The following RSRP1 variants were observed in gnomAD, a reference collection of about 807,000 sequenced individuals.
The protein encoded by RSRP1 is arginine and serine rich protein 1, also known as arginine/serine-rich protein 1.
A neutral mutation model predicts 33.0 loss-of-function variants in RSRP1; 37 were observed. That is an observed-to-expected ratio of 1.12 (90% CI 0.86 to 1.48). The LOEUF is 1.48. Ranked by LOEUF, RSRP1 falls within the 40% of genes most tolerant of loss-of-function variation. The pLI is 0.00. For missense variants in RSRP1, 402 were observed against 385.3 expected, an observed-to-expected ratio of 1.04 and a Z score of -0.36; for synonymous variants, 167 against 158.7, an observed-to-expected ratio of 1.05 and a Z score of -0.40.
At chr1:25,244,971 C>A in intron 3 of RSRP1, 179 bp downstream of exon 3, 1 of 1,474,346 alleles carries the variant, frequency 6.8e-7, no homozygotes, top group South Asian at 1.4e-5. Flanking sequence ...AAATAAAGCT[C>A]ATTAATCTCC....
chr1:25,270,638 G>C (rs1640470473), intron 1 of RSRP1, among the ~76,000 whole-genome samples: 1 of 132,124 alleles, frequency 7.6e-6, no homozygotes, highest in African/African-American at 2.6e-5. Context: ...CCCTGATCTA[G>C]GCTACAGTTA....
At position 25,304,549 on chromosome 1, in the gene RSRP1, A is replaced by T. The variant is rs1643646609; in HGVS notation, c.-67+33429T>A. The T allele has an allele frequency of 1.5e-5, 2 of 129,288 alleles. 1 individual carries two copies. The highest frequency in any genetic ancestry group is 4.8e-4 in the South Asian group (2 of 4,154). 8.0% of individuals were successfully genotyped at this position (129,288 alleles called of 1,614,324 possible). Reference sequence around the variant, plus strand: ...GGAGACAGAGCTTGCAGTGAGCTGAAATCGTGCCATGGCACTCCAGCCTGG... The same window carrying T: ...GGAGACAGAGCTTGCAGTGAGCTGATATCGTGCCATGGCACTCCAGCCTGG... On this transcript the variant is annotated intron_variant, in intron 1 of 1. Transcript: ENST00000561867.
chr1:25,262,691 C>T (rs1053703501), intron 1 of RSRP1, among the ~76,000 whole-genome samples: 2 of 152,140 alleles, frequency 1.3e-5, no homozygotes, highest in Non-Finnish European at 2.9e-5. Context: ...AGAACCCCAG[C>T]GGTGACGGAA....
chr1:25,302,438 A>G lies in RSRP1; in HGVS notation c.-67+35540T>C, dbSNP rs1275240541. Among the ~76,000 whole-genome samples, 2 of 129,394 alleles carry G rather than the reference A, an allele frequency of 1.5e-5. 1 individual carries two copies. The highest frequency in any genetic ancestry group is 3.6e-5 in the Non-Finnish European group (2 of 54,908). The allele number at this position is 129,394 out of a possible 152,430, so 84.9% of individuals were successfully genotyped here. A position where few individuals can be genotyped will look rare whatever the true frequency, so the allele number is the denominator to read the frequency against. On this transcript the variant is annotated intron_variant, in intron 1 of 1. Coordinates refer to the RSRP1 transcript ENST00000561867. ...GAATGTGGCCACAGATGACAGCTTC[A>G]CAGCAGAATTCAGTGCTAAGAGGAA...
chr1:25,329,495 G>A lies in RSRP1; in HGVS notation c.-67+8483C>T, dbSNP rs1433495696. The A allele has an allele frequency of 2.9e-5, 6 of 206,236 alleles. 1 individual carries two copies. Among genetic ancestry groups the A allele is most frequent in the South Asian group, 1.8e-4 (4 of 22,270 alleles). The allele number at this position is 206,236 out of a possible 1,614,324, so 12.8% of individuals were successfully genotyped here. A position where few individuals can be genotyped will look rare whatever the true frequency, so the allele number is the denominator to read the frequency against. ...TGACCTCAAGTGATCTGCCCGCCTC[G>A]GCCTCCCAAAGTGCTGGAACCACAG... is the stretch of plus-strand genomic sequence containing the variant. On this transcript the variant is annotated intron_variant, in intron 1 of 1. Coordinates refer to the RSRP1 transcript ENST00000561867.
Position 25,282,839 on chromosome 1 carries a change from G to C in RSRP1, c.-66-35810C>G, listed in dbSNP as rs537573442. ...GAACCCGGGAGGTGGAGGTTGCAGCGAGCCGAGATCGCACCACTGCACTCC... is the reference window on the plus strand; with the variant it reads ...GAACCCGGGAGGTGGAGGTTGCAGCCAGCCGAGATCGCACCACTGCACTCC... On this transcript the variant is annotated intron_variant, in intron 1 of 1. Transcript: ENST00000561867. 4.6e-5 allele frequency among the ~76,000 whole-genome samples: 6 copies of C among 129,504 alleles called. 1 individual carries two copies. The highest frequency in any genetic ancestry group is 1.6e-4 in the African/African-American group (6 of 38,000). The allele number at this position is 129,504 out of a possible 152,430, so 85.0% of individuals were successfully genotyped here.
At chr1:25,285,292 G>A (rs543413383) in intron 1 of RSRP1, among the ~76,000 whole-genome samples, 8 of 133,916 alleles carry the variant, frequency 6.0e-5, no homozygotes, top group East Asian at 3.9e-4. Flanking sequence ...GTGCCACCGC[G>A]CCTGGCTGAT....
chr1:25,243,461 C>A, intron 4 of RSRP1, 89 bp downstream of exon 4: 1 of 1,507,914 alleles, frequency 6.6e-7, no homozygotes, highest in East Asian at 2.3e-5. Flanking sequence ...CAGTAGGCCC[C>A]CAACTATCAC....
rs1252934538 is a variant in RSRP1, at chr1:25,307,737, C to G, written c.-67+30241G>C. 8 of 1,307,140 alleles carry G rather than the reference C, an allele frequency of 6.1e-6. 2 individuals carry two copies. In the South Asian group the frequency reaches 8.9e-5, roughly 15 times the overall value. The allele number at this position is 1,307,140 out of a possible 1,614,324, so 81.0% of individuals were successfully genotyped here. A position where few individuals can be genotyped will look rare whatever the true frequency, so the allele number is the denominator to read the frequency against. On this transcript the variant is annotated intron_variant, in intron 1 of 1. Coordinates refer to the RSRP1 transcript ENST00000561867. ...ACGTGTCTCAGAGAAATCATGGAGG[C>G]GCTGCGGTTCCTACCGGTTCTTGGA... is the stretch of plus-strand genomic sequence containing the variant.
rs548486072 is a variant in RSRP1 at position 25,330,200 on chromosome 1, T to C, written c.-67+7778A>G. The C allele has an allele frequency of 6.8e-5, 9 of 133,144 alleles. No individual in the cohort carries two copies. The East Asian group carries it at 1.2e-3, about 17-fold the overall frequency. The allele number at this position is 133,144 out of a possible 1,614,324, so 8.2% of individuals were successfully genotyped here. ...TTTTCTACTGCTATGTGTCACACTT[T>C]GCCAAACAGGATGTGGAAAATGAAT... On this transcript the variant is annotated intron_variant, in intron 1 of 1. Coordinates refer to the RSRP1 transcript ENST00000561867.
At chr1:25,288,079 A>C (rs1218639426) in intron 1 of RSRP1, among the ~76,000 whole-genome samples, 1 of 132,704 alleles carries the variant, frequency 7.5e-6, no homozygotes, top group African/African-American at 2.6e-5. Flanking sequence ...GTGAAGTGGC[A>C]TGTTCATGGC....
rs1557488365 is a variant in RSRP1, at chr1:25,246,885, AC to A, written c.78del (p.Ser27ProfsTer144). 6.2e-7 allele frequency: 1 copy of A among 1,606,306 alleles called. No homozygotes were observed. The highest frequency in any genetic ancestry group is 8.5e-7 in the Non-Finnish European group (1 of 1,174,662). ...CTAGACCGCGACGACAGCCGGCTGGACCCGCCCGACCGCGAGGTCGAGGGCG... is the reference window on the plus strand; with the variant it reads ...CTAGACCGCGACGACAGCCGGCTGGACCGCCCGACCGCGAGGTCGAGGGCG... ...KDSPSTSRSG[G>X]SSRLSSRSRS... On this transcript the variant is annotated frameshift_variant, in exon 2 of 5. Transcript: ENST00000243189. LOFTEE classifies it high-confidence loss of function.
intron 1 of RSRP1, among the ~76,000 whole-genome samples, chr1:25,320,850 T>G (rs1644658673): frequency 7.6e-6 from 1 of 131,030 alleles, no homozygotes. Context: ...AAGACCAGCC[T>G]GGGCAACATG....
chr1:25,261,553 C>T (rs1459273669), intron 1 of RSRP1, among the ~76,000 whole-genome samples: 4 of 151,772 alleles, frequency 2.6e-5, no homozygotes, highest in East Asian at 1.9e-4. Flanking sequence ...TACAGGCGCC[C>T]GCCACCCTGC....
chr1:25,306,838 G>C (rs1643878211), intron 1 of RSRP1: 1 of 1,012,930 alleles, frequency 9.9e-7, no homozygotes, highest in Non-Finnish European at 1.5e-6. Flanking sequence ...CAGGTGCTCA[G>C]TAGGCTTCGG....
At position 25,264,125 on chromosome 1, in the gene RSRP1, G is replaced by A. The variant is rs71652360; in HGVS notation, c.-66-17096C>T. ...CATGGGCTGGCATTGAGTGTCTGCA[G>A]CTTTTCCAGGTACACGGTGCAAGCT... On this transcript the variant is annotated intron_variant, in intron 1 of 1. Transcript: ENST00000561867. Among the ~76,000 whole-genome samples, 438 of 150,780 alleles carry A rather than the reference G, an allele frequency of 2.9e-3. 2 individuals are homozygous for A. The highest frequency in any genetic ancestry group is 9.8e-3 in the African/African-American group (395 of 40,192).
intron 3 of RSRP1, 41 bp downstream of exon 3, chr1:25,245,109 G>T: frequency 6.2e-7 from 1 of 1,613,932 alleles, no homozygotes; most frequent in Non-Finnish European, 8.5e-7. Context: ...TTGACAGTTG[G>T]CTTTCTGAAA....
At position 25,305,123 on chromosome 1, in the gene RSRP1, C is replaced by A. The variant is rs564593496; in HGVS notation, c.-67+32855G>T. ...GCCTGGGATGGGTCTGGAAATGCTT[C>A]CTGGAGCAGAGGAAACGGTTGACAG... On this transcript the variant is annotated intron_variant, in intron 1 of 1. Transcript: ENST00000561867. Among the ~76,000 whole-genome samples the A allele has an allele frequency of 9.1e-5, 12 of 132,058 alleles. 1 individual carries two copies. The East Asian group carries it at 2.3e-3, about 26-fold the overall frequency. 86.6% of individuals were successfully genotyped at this position (132,058 alleles called of 152,430 possible). A position where few individuals can be genotyped will look rare whatever the true frequency, so the allele number is the denominator to read the frequency against.
At position 25,313,739 on chromosome 1, in the gene RSRP1, G is replaced by A. The variant is rs1024800019; in HGVS notation, c.-67+24239C>T. 1.5e-5 allele frequency among the ~76,000 whole-genome samples: 2 copies of A among 132,016 alleles called. 1 individual carries two copies. Among genetic ancestry groups the A allele is most frequent in the Admixed American group, 1.5e-4 (2 of 13,516 alleles). The allele number at this position is 132,016 out of a possible 152,430, so 86.6% of individuals were successfully genotyped here. A position where few individuals can be genotyped will look rare whatever the true frequency, so the allele number is the denominator to read the frequency against. On this transcript the variant is annotated intron_variant, in intron 1 of 1. Transcript: ENST00000561867. ...GAGTGGTGGGAGAGTAACTGGGTGAGGGCATCCACTAATGGGCAGGAAGTG... is the reference window on the plus strand; with the variant it reads ...GAGTGGTGGGAGAGTAACTGGGTGAAGGCATCCACTAATGGGCAGGAAGTG...
Sources: gnomAD v4.1 joint callset for allele counts (sites outside exome capture counted in the v4.1 genomes callset) on GRCh38, gnomAD v4.1.1 for gene constraint, MANE v1.5 for transcripts, NCBI Gene and HGNC (gene_info 2026-07-23, HGNC 2026-07-21) for gene names.